PTK2B: variants seen among roughly 807,000 people sequenced by gnomAD.
The protein encoded by PTK2B is protein tyrosine kinase 2 beta, also known as protein-tyrosine kinase 2-beta.
Under a neutral mutation model 142.9 loss-of-function variants are expected in PTK2B, and 71 were observed. The ratio of observed to expected loss-of-function variants is 0.50; its 90% CI spans 0.41 to 0.61. The LOEUF (loss-of-function observed/expected upper bound fraction) is 0.61, where lower values mean the gene tolerates loss of function less well. PTK2B is among the 20% of genes least tolerant of loss of function. The pLI is 0.00. For synonymous variants in PTK2B, 519 were observed against 503.4 expected (o/e 1.03, Z -0.42); for missense variants, 1,105 against 1,320.4 (o/e 0.84, Z 2.53).
Position 27,430,525 on chromosome 8 carries a change from G to A in PTK2B, c.669+107G>A, listed in dbSNP as rs1357611407. ...CTCAGAGAAGCCAGGGTATCTGCGC[G>A]GCCTCGGGCATTTGGACACAGGACC... On this transcript the variant is annotated intron_variant, in intron 7 of 30. Transcript: ENST00000346049. The A allele has an allele frequency of 1.1e-5, 16 of 1,441,220 alleles. No homozygotes were observed. The Admixed American group carries it at 1.2e-4, about 11-fold the overall frequency. The allele number at this position is 1,441,220 out of a possible 1,614,324, so 89.3% of individuals were successfully genotyped here. A position where few individuals can be genotyped will look rare whatever the true frequency, so the allele number is the denominator to read the frequency against.
In PTK2B at chr8:27,363,772, G is replaced by A. The variant is rs1007624551; in HGVS notation, c.-37-33776G>A. Reference sequence around the variant, plus strand: ...CCCAGAAATACCTGCCATGTGCTGGGCTGTGACAGTCACTTGGCGTTCCTG... The same window carrying A: ...CCCAGAAATACCTGCCATGTGCTGGACTGTGACAGTCACTTGGCGTTCCTG... On this transcript the variant is annotated intron_variant, in intron 1 of 30. Transcript: ENST00000346049. The surrounding 1 kb of genome is among the most constrained non-coding windows in gnomAD (Gnocchi z 4.3). Among the ~76,000 whole-genome samples, 6 of 152,184 alleles carry A rather than the reference G, an allele frequency of 3.9e-5. No individual in the cohort carries two copies. Among genetic ancestry groups the A allele is most frequent in the African/African-American group, 1.4e-4 (6 of 41,418 alleles).
upstream of PTK2B, among the ~76,000 whole-genome samples, chr8:27,321,523 G>A (rs981739301): frequency 2.6e-5 from 4 of 152,206 alleles, no homozygotes; most frequent in Admixed American, 6.5e-5. Flanking sequence ...TGGCTGGACG[G>A]CATTAGGTAC....
intron 1 of PTK2B, among the ~76,000 whole-genome samples, chr8:27,347,666 C>A (rs1439957960): frequency 6.6e-6 from 1 of 152,118 alleles, no homozygotes; most frequent in East Asian, 1.9e-4. Context: ...CCCTAATGGT[C>A]CCATTATAAT....
At position 27,364,945 on chromosome 8, in the gene PTK2B, A is replaced by G. The variant is rs556480541; in HGVS notation, c.-37-32603A>G. ...TTCTTCCTGCAAATCTGTCCTATGC[A>G]TACCTGTGGGTAGTCACCTCTGTAA... is the stretch of plus-strand genomic sequence containing the variant. On this transcript the variant is annotated intron_variant, in intron 1 of 30. Transcript: ENST00000346049. Among the ~76,000 whole-genome samples the G allele has an allele frequency of 8.5e-5, 13 of 152,288 alleles. No individual in the cohort carries two copies. The South Asian group carries it at 2.7e-3, about 32-fold the overall frequency.
chr8:27,400,542 TG>T (rs1360906871), intron 2 of PTK2B, among the ~76,000 whole-genome samples: 9 of 150,918 alleles, frequency 6.0e-5, no homozygotes, highest in South Asian at 2.1e-4. Flanking sequence ...ACTAAGAGAA[TG>T]GTGTTGGGAA....
intron 3 of PTK2B, 88 bp downstream of exon 3, chr8:27,420,161 C>T: frequency 6.8e-7 from 1 of 1,475,664 alleles, no homozygotes. Flanking sequence ...AGAGCACTCC[C>T]CTGCCTCAGA....
intron 19 of PTK2B, 69 bp from the exon 20 acceptor site, chr8:27,439,240 A>C: frequency 6.4e-7 from 1 of 1,565,310 alleles, no homozygotes; most frequent in Non-Finnish European, 8.8e-7. Flanking sequence ...GGTCTTCAGA[A>C]AGTAGGATGT....
rs749255419 is a variant in PTK2B, at chr8:27,383,852, A to AT, written c.-37-13683dup. Among the ~76,000 whole-genome samples the AT allele has an allele frequency of 3.2e-3, 376 of 116,558 alleles. 12 individuals carry two copies. The highest frequency in any genetic ancestry group is 5.8e-3 in the African/African-American group (191 of 33,028). 76.5% of individuals were successfully genotyped at this position (116,558 alleles called of 152,430 possible). On this transcript the variant is annotated intron_variant, in intron 1 of 30. Coordinates refer to ENST00000346049, the MANE Select transcript of PTK2B (RefSeq NM_173176.3). ...AGGTGTGCACCACCACACCTGGCTAATTTTTTTTTTTTTGAGACAGAGTTT... is the reference window on the plus strand; with the variant it reads ...AGGTGTGCACCACCACACCTGGCTAATTTTTTTTTTTTTTGAGACAGAGTTT...
upstream of PTK2B, among the ~76,000 whole-genome samples, chr8:27,324,147 T>A (rs1803296614): frequency 1.3e-5 from 2 of 152,218 alleles, no homozygotes; most frequent in Non-Finnish European, 2.9e-5. Context: ...ACCTGCCTCC[T>A]CATCCCCACA....
At chr8:27,447,166 G>C (rs1811523049) in intron 24 of PTK2B, among the ~76,000 whole-genome samples, 1 of 152,172 alleles carries the variant, frequency 6.6e-6, no homozygotes, top group Non-Finnish European at 1.5e-5. Context: ...CAAGGACCTT[G>C]TTCAGTTCCA....
At chr8:27,432,654 T>C (rs1810508002) in intron 10 of PTK2B, among the ~76,000 whole-genome samples, 1 of 152,158 alleles carries the variant, frequency 6.6e-6, no homozygotes, top group South Asian at 2.1e-4. Flanking sequence ...ATCACAGGCC[T>C]AAGTTATACC....
chr8:27,451,736 C>T (rs1811833241), intron 27 of PTK2B: 3 of 1,405,920 alleles, frequency 2.1e-6, no homozygotes, highest in Non-Finnish European at 2.8e-6. Flanking sequence ...TCAGTGGCCA[C>T]ATCCTTAGGC....
chr8:27,418,284 G>T (rs530959377), intron 2 of PTK2B, among the ~76,000 whole-genome samples: 2 of 152,202 alleles, frequency 1.3e-5, no homozygotes, highest in Non-Finnish European at 2.9e-5. Flanking sequence ...CAGTTAGCCC[G>T]AGACAGATGG....
At chr8:27,314,253 G>A (rs1480278966) in intron 3 of PTK2B, among the ~76,000 whole-genome samples, 4 of 152,176 alleles carry the variant, frequency 2.6e-5, no homozygotes. Flanking sequence ...TCTTCATTCT[G>A]AAGGCTCCCA....
chr8:27,328,841 A>G (rs1030203451), intron 1 of PTK2B, among the ~76,000 whole-genome samples: 2 of 152,190 alleles, frequency 1.3e-5, no homozygotes, highest in South Asian at 4.1e-4. Flanking sequence ...CAGAAGGCAT[A>G]GCCCTTCTCA....
intron 1 of PTK2B, among the ~76,000 whole-genome samples, chr8:27,390,127 C>T (rs1451830646): frequency 6.6e-6 from 1 of 152,138 alleles, no homozygotes; most frequent in African/African-American, 2.4e-5. Flanking sequence ...AAGCTTCCTT[C>T]CATGGACAGG....
intron 2 of PTK2B, among the ~76,000 whole-genome samples, chr8:27,406,086 C>A (rs909112143): frequency 3.3e-5 from 5 of 152,178 alleles, no homozygotes; most frequent in African/African-American, 1.2e-4. Flanking sequence ...TCTCTCCTTG[C>A]CTGTCCCAGC....
At chr8:27,394,281 T>C (rs1283986695) in intron 1 of PTK2B, among the ~76,000 whole-genome samples, 1 of 152,210 alleles carries the variant, frequency 6.6e-6, no homozygotes, top group Non-Finnish European at 1.5e-5. Context: ...CCTATCATCA[T>C]TTCTCTGGTT....
At chr8:27,401,656 G>A (rs1041389302) in intron 2 of PTK2B, among the ~76,000 whole-genome samples, 10 of 152,214 alleles carry the variant, frequency 6.6e-5, no homozygotes, top group African/African-American at 2.2e-4. Context: ...TTTAAACCAT[G>A]TTAACCATTT....
Sources: allele counts gnomAD v4.1 joint callset (sites outside exome capture counted in the v4.1 genomes callset), GRCh38; gene constraint gnomAD v4.1.1; non-coding constraint Gnocchi (gnomAD v3.1); transcripts MANE v1.5; gene names NCBI Gene and HGNC (gene_info 2026-07-23, HGNC 2026-07-21).